Variants in PIP5K1C observed in about 807,000 individuals in gnomAD.
PIP5K1C encodes phosphatidylinositol 4-phosphate 5-kinase type-1 gamma.
In PIP5K1C, 45 loss-of-function variants were observed where a neutral mutation model predicts 80.1. The ratio of observed to expected loss-of-function variants is 0.56; its 90% CI spans 0.44 to 0.72. The LOEUF (loss-of-function observed/expected upper bound fraction) is 0.72, where lower values mean the gene tolerates loss of function less well. Among genes scored for constraint, PIP5K1C ranks in the 30% least tolerant of loss-of-function variants. PIP5K1C has a pLI of 0.00. For synonymous variants in PIP5K1C, 498 were observed against 420.1 expected (o/e 1.19, Z -2.27); for missense variants, 753 against 954.6 (o/e 0.79, Z 2.78).
chr19:3,695,657 C>T (rs571558563), intron 1 of PIP5K1C, among the ~76,000 whole-genome samples: 6 of 151,990 alleles, frequency 3.9e-5, no homozygotes, highest in East Asian at 1.9e-4. Context: ...GGGAACTTTC[C>T]GTCCCCAGTG....
At chr19:3,656,279 C>T in intron 6 of PIP5K1C, 126 bp downstream of exon 6, 1 of 1,047,064 alleles carries the variant, frequency 9.6e-7, no homozygotes, top group Non-Finnish European at 1.4e-6. Flanking sequence ...GTCCCCGGGA[C>T]CCAAGATGCC....
chr19:3,633,177 A>G lies in PIP5K1C; in HGVS notation c.2005-8T>C. ...GGGGCTGCATAGAAATTACTGCAAG[A>G]GCAAGAGGACAGGTGAAGGTGGGCG... On this transcript the variant is annotated splice_region_variant and splice_polypyrimidine_tract_variant and intron_variant, in intron 17 of 17. Transcript: ENST00000335312. The G allele has an allele frequency of 1.3e-6, 1 of 768,020 alleles. No homozygotes were observed. Among genetic ancestry groups the G allele is most frequent in the Non-Finnish European group, 2.4e-6 (1 of 412,734 alleles). The allele number at this position is 768,020 out of a possible 1,614,324, so 47.6% of individuals were successfully genotyped here.
intron 5 of PIP5K1C, among the ~76,000 whole-genome samples, chr19:3,657,366 G>A (rs73532092): frequency 0.012 from 1,800 of 152,266 alleles, 36 homozygotes; most frequent in African/African-American, 0.042. Flanking sequence ...TGCGTCTTCC[G>A]GGTATGGAAC....
intron 10 of PIP5K1C, among the ~76,000 whole-genome samples, 158 bp from the exon 11 acceptor site, chr19:3,646,216 C>CG (rs2034208214): frequency 6.6e-6 from 1 of 152,086 alleles, no homozygotes; most frequent in African/African-American, 2.4e-5. Flanking sequence ...GAGGGGCTCA[C>CG]GGAACAGGGA....
intron 5 of PIP5K1C, among the ~76,000 whole-genome samples, chr19:3,660,742 G>A (rs866462937): frequency 8.6e-5 from 13 of 152,018 alleles, no homozygotes; most frequent in Admixed American, 8.5e-4. Flanking sequence ...CCCAGCCAAC[G>A]CCAGCCAGGA....
chr19:3,662,924 C>T (rs563974189), intron 3 of PIP5K1C, among the ~76,000 whole-genome samples: 2 of 152,226 alleles, frequency 1.3e-5, no homozygotes, highest in South Asian at 2.1e-4. Context: ...TGCAGTGGTG[C>T]GATCTTGGAT....
intron 1 of PIP5K1C, among the ~76,000 whole-genome samples, chr19:3,691,756 G>C (rs1208371484): frequency 8.5e-5 from 13 of 152,206 alleles, no homozygotes; most frequent in Non-Finnish European, 1.6e-4. Flanking sequence ...CAGAAGCATA[G>C]AGCCTTTACT....
intron 6 of PIP5K1C, among the ~76,000 whole-genome samples, chr19:3,654,393 GGA>G (rs1323896987): frequency 2.6e-5 from 4 of 152,244 alleles, no homozygotes; most frequent in African/African-American, 9.6e-5. Flanking sequence ...AGACCCACAG[GGA>G]GAGGAGTGAG....
chr19:3,642,726 TG>T (rs2034016269), intron 14 of PIP5K1C, among the ~76,000 whole-genome samples, 180 bp downstream of exon 14: 1 of 151,988 alleles, frequency 6.6e-6, no homozygotes, highest in South Asian at 2.1e-4. Context: ...TGGCTCTGGC[TG>T]TAAGAAAAAC....
At chr19:3,646,158 T>C in intron 10 of PIP5K1C, 100 bp from the exon 11 acceptor site, 3 of 768,424 alleles carry the variant, frequency 3.9e-6, no homozygotes, top group Non-Finnish European at 7.1e-6. Flanking sequence ...GGGGGCACCT[T>C]CTGTGTGAAA....
intron 16 of PIP5K1C, among the ~76,000 whole-genome samples, chr19:3,636,099 G>A (rs937653928): frequency 1.3e-5 from 2 of 152,200 alleles, no homozygotes; most frequent in Non-Finnish European, 2.9e-5. Context: ...GGAGGTTGCA[G>A]TGAGCTGAGA....
At chr19:3,693,906 A>C (rs2036022214) in intron 1 of PIP5K1C, among the ~76,000 whole-genome samples, 1 of 152,066 alleles carries the variant, frequency 6.6e-6, no homozygotes, top group Non-Finnish European at 1.5e-5. Flanking sequence ...TCACCTCTAC[A>C]AAAAAGTTTT....
In PIP5K1C at chr19:3,700,314, T is replaced by C; in HGVS notation, c.77A>G (p.Glu26Gly). 1.6e-6 allele frequency: 2 copies of C among 1,288,960 alleles called. No homozygotes were observed. The highest frequency in any genetic ancestry group is 2.0e-6 in the Non-Finnish European group (2 of 1,001,618). The allele number at this position is 1,288,960 out of a possible 1,614,324, so 79.8% of individuals were successfully genotyped here. Residue 26 changes from glutamate to glycine, a missense_variant, in exon 1 of 18, where the codon GAG becomes GGG. Transcript: ENST00000335312. Reference sequence around the variant, plus strand: ...GCCGTTACCTGCCGCCGCCCCGCTCTCTGCCGCCCACGCCGCCTCCGAGGG... The same window carrying C: ...GCCGTTACCTGCCGCCGCCCCGCTCCCTGCCGCCCACGCCGCCTCCGAGGG... ...AVPSEAAWAA[E>G]SGAAAGLAQK...
chr19:3,635,607 C>A (rs541024792), intron 16 of PIP5K1C, among the ~76,000 whole-genome samples: 48 of 152,234 alleles, frequency 3.2e-4, no homozygotes, highest in Admixed American at 1.1e-3. Flanking sequence ...ATCGCTTGAA[C>A]CCAGGCCAGA....
Position 3,688,658 on chromosome 19 carries a change from G to A in PIP5K1C, c.94+11639C>T, listed in dbSNP as rs2035847679. On this transcript the variant is annotated intron_variant, in intron 1 of 17. Coordinates refer to ENST00000335312, the MANE Select transcript of PIP5K1C (RefSeq NM_012398.3). The surrounding 1 kb of genome is among the most constrained non-coding windows in gnomAD (Gnocchi z 5.3). The stretch of plus-strand genomic sequence containing the variant: ...CTCAGGTGGTTTCGTGTCCCTCAGG[G>A]CTAGAGACCCGGATGAGCCCCATGG... 6.6e-6 allele frequency among the ~76,000 whole-genome samples: 1 copy of A among 152,170 alleles called. No homozygotes were observed. The highest frequency in any genetic ancestry group is 1.5e-5 in the Non-Finnish European group (1 of 68,034).
intron 10 of PIP5K1C, among the ~76,000 whole-genome samples, chr19:3,646,887 C>G (rs540494507): frequency 2.6e-5 from 4 of 151,458 alleles, no homozygotes; most frequent in Non-Finnish European, 4.4e-5. Context: ...AAGGCTGGGA[C>G]GACAGACAGG....
intron 1 of PIP5K1C, among the ~76,000 whole-genome samples, chr19:3,699,444 G>A (rs919438210): frequency 1.3e-5 from 2 of 152,118 alleles, no homozygotes; most frequent in East Asian, 1.9e-4. Context: ...TGCCAACCAA[G>A]GAAGCTTCGG....
chr19:3,635,636 T>C (rs775526288), intron 16 of PIP5K1C, among the ~76,000 whole-genome samples: 5 of 146,932 alleles, frequency 3.4e-5, no homozygotes, highest in Non-Finnish European at 7.4e-5. Context: ...TGAGCTGAAA[T>C]TGAGCCACTG....
intron 1 of PIP5K1C, among the ~76,000 whole-genome samples, chr19:3,669,363 G>C (rs2145519527): frequency 6.6e-6 from 1 of 152,354 alleles, no homozygotes; most frequent in South Asian, 2.1e-4. Flanking sequence ...GTGAGCAGGG[G>C]AGGCCAGGAC....
Sources: gnomAD v4.1 joint callset for allele counts (sites outside exome capture counted in the v4.1 genomes callset) on GRCh38, gnomAD v4.1.1 for gene constraint, Gnocchi (gnomAD v3.1) non-coding constraint, MANE v1.5 for transcripts, NCBI Gene and HGNC (gene_info 2026-07-23, HGNC 2026-07-21) for gene names.